The following CFAP44 variants were observed in gnomAD, a reference collection of about 807,000 sequenced individuals.
CFAP44 encodes cilia and flagella associated protein 44.
CFAP44 carries 134 observed loss-of-function variants against 216.2 expected under a neutral mutation model. The ratio of observed to expected loss-of-function variants is 0.62; its 90% CI spans 0.54 to 0.72. The LOEUF (loss-of-function observed/expected upper bound fraction) is 0.72. Among genes scored for constraint, CFAP44 ranks in the 30% least tolerant of loss-of-function variants. CFAP44 has a pLI of 0.00. For missense variants in CFAP44, 2,035 were observed against 2,182.1 expected (o/e 0.93, Z 1.34); for synonymous variants, 700 against 727.6 (o/e 0.96, Z 0.61).
rs202211743 is a variant in CFAP44, at chr3:113,333,394, G to A, written c.3615+12C>T. The A allele has an allele frequency of 1.2e-3, 1,774 of 1,534,286 alleles. 5 individuals are homozygous for A. The highest frequency in any genetic ancestry group is 1.3e-3 in the Admixed American group (64 of 50,208). The stretch of plus-strand genomic sequence containing the variant: ...TGCCTTCTCCATTGTCATAAAATCT[G>A]TAGATAAGTACCAAAGAATCTAGGT... On this transcript the variant is annotated intron_variant, in intron 25 of 34. Transcript: ENST00000393845.
At chr3:113,376,707 T>C (rs947332288) in intron 17 of CFAP44, among the ~76,000 whole-genome samples, 1 of 152,150 alleles carries the variant, frequency 6.6e-6, no homozygotes, top group Admixed American at 6.5e-5. Flanking sequence ...GGGTTGAAGA[T>C]CAAATAGGAG....
chr3:113,348,503 A>T (rs1255713356), intron 22 of CFAP44, among the ~76,000 whole-genome samples: 2 of 152,202 alleles, frequency 1.3e-5, no homozygotes, highest in Non-Finnish European at 2.9e-5. Flanking sequence ...CTTTCTTTTC[A>T]TTGAAGGAGA....
intron 15 of CFAP44, among the ~76,000 whole-genome samples, chr3:113,389,903 T>C (rs1335982920): frequency 6.6e-6 from 1 of 152,078 alleles, no homozygotes; most frequent in Non-Finnish European, 1.5e-5. Context: ...ACCCAATGGC[T>C]TCACTGTTGA....
chr3:113,332,590 G>A (rs944729695), intron 25 of CFAP44, among the ~76,000 whole-genome samples: 18 of 152,180 alleles, frequency 1.2e-4, no homozygotes, highest in African/African-American at 3.6e-4. Context: ...TAGTAGCTCA[G>A]ATGACCTTTA....
At position 113,291,766 on chromosome 3, in the gene CFAP44, C is replaced by G; in HGVS notation, c.5374-18G>C. On this transcript the variant is annotated intron_variant, in intron 34 of 34. Coordinates refer to ENST00000393845, the MANE Select transcript of CFAP44 (RefSeq NM_001164496.2). Reference sequence around the variant, plus strand: ...GCATTGCCCTGTTGAAAGAAAACAGCTCCCTGTTGAAGCATCATTTGGCAT... The same window carrying G: ...GCATTGCCCTGTTGAAAGAAAACAGGTCCCTGTTGAAGCATCATTTGGCAT... The G allele has an allele frequency of 1.3e-6, 2 of 1,534,574 alleles. No individual in the cohort carries two copies. Among genetic ancestry groups the G allele is most frequent in the Middle Eastern group, 2.3e-4 (1 of 4,404 alleles).
rs142060163 is a variant in CFAP44, at chr3:113,378,575, C to T, written c.2298+731G>A. On this transcript the variant is annotated intron_variant, in intron 17 of 34. Coordinates refer to ENST00000393845, the MANE Select transcript of CFAP44 (RefSeq NM_001164496.2). ...GATGAATTAGTAATGATCTTCCACACACACTTTTATGAAATTATTTTTGGT... is the reference window on the plus strand; with the variant it reads ...GATGAATTAGTAATGATCTTCCACATACACTTTTATGAAATTATTTTTGGT... 5.6e-3 allele frequency among the ~76,000 whole-genome samples: 850 copies of T among 152,248 alleles called. 15 individuals carry two copies. The highest frequency in any genetic ancestry group is 0.02 in the African/African-American group (825 of 41,534).
intron 28 of CFAP44, among the ~76,000 whole-genome samples, chr3:113,315,375 C>T (rs980415180): frequency 4.6e-5 from 7 of 152,034 alleles, no homozygotes; most frequent in Admixed American, 2.0e-4. Context: ...TTTACCAAGA[C>T]GACATGACAC....
intron 23 of CFAP44, among the ~76,000 whole-genome samples, chr3:113,342,492 A>G (rs1950342259): frequency 6.6e-6 from 1 of 152,210 alleles, no homozygotes; most frequent in Non-Finnish European, 1.5e-5. Context: ...TAAGATATAT[A>G]ATAAACAATT....
At chr3:113,435,363 G>A (rs1004475205) in intron 1 of CFAP44, among the ~76,000 whole-genome samples, 3 of 151,078 alleles carry the variant, frequency 2.0e-5, no homozygotes, top group Non-Finnish European at 4.4e-5. Flanking sequence ...TGACAGCAAG[G>A]AGAAGTGCAG....
At position 113,396,529 on chromosome 3, in the gene CFAP44, G is replaced by T; in HGVS notation, c.1768C>A (p.Leu590Ile). ...ALAYERDGEILATGSKDQTVF... is the reference protein window; with the variant it reads ...ALAYERDGEIIATGSKDQTVF... ...AATGTACTGCTTACCCCTGTGGCTAGAATTTCCCCATCACGTTCATAAGCT... is the reference window on the plus strand; with the variant it reads ...AATGTACTGCTTACCCCTGTGGCTATAATTTCCCCATCACGTTCATAAGCT... Residue 590 changes from leucine to isoleucine, a missense_variant, in exon 14 of 35, where the codon CTA becomes ATA. Physicochemically the swap from Leu to Ile is conservative, Grantham distance 5. Coordinates refer to ENST00000393845, the MANE Select transcript of CFAP44 (RefSeq NM_001164496.2). The T allele has an allele frequency of 6.2e-7, 1 of 1,614,002 alleles. No individual in the cohort carries two copies.
chr3:113,371,048 G>A (rs530067236), intron 18 of CFAP44, among the ~76,000 whole-genome samples: 11 of 152,222 alleles, frequency 7.2e-5, no homozygotes, highest in Non-Finnish European at 8.8e-5. Context: ...TCTTCAAGGA[G>A]AACTACAAAC....
chr3:113,316,414 GA>G (rs1164801838), intron 28 of CFAP44, among the ~76,000 whole-genome samples: 1 of 151,884 alleles, frequency 6.6e-6, no homozygotes, highest in Non-Finnish European at 1.5e-5. Flanking sequence ...AAGCAAGCAG[GA>G]AAAAATGTAA....
At position 113,433,644 on chromosome 3, in the gene CFAP44, C is replaced by G. The variant is rs767419732; in HGVS notation, c.21G>C (p.Gln7His). Reference protein sequence around the residue: MKEPDDQDTDGEKSVTS... With the variant: MKEPDDHDTDGEKSVTS... ...TAACTGATTTCTCCCCATCAGTATC[C>G]TGATCATCTGGTTCCTTCATTTCCT... is the stretch of plus-strand genomic sequence containing the variant. Residue 7 changes from glutamine to histidine, a missense_variant, in exon 2 of 35, where the codon CAG becomes CAC. Gln to His is a conservative substitution (Grantham distance 24). This residue lies in a region of CFAP44 where 149 missense variants were observed against 141.8 expected (regional missense o/e 1.05). Transcript: ENST00000393845. 6.2e-7 allele frequency: 1 copy of G among 1,613,132 alleles called. No homozygotes were observed. Among genetic ancestry groups the G allele is most frequent in the South Asian group, 1.1e-5 (1 of 91,072 alleles).
intron 24 of CFAP44, among the ~76,000 whole-genome samples, chr3:113,340,156 G>A (rs937878575): frequency 6.6e-6 from 1 of 152,206 alleles, no homozygotes; most frequent in African/African-American, 2.4e-5. Context: ...AAAAGGGTAA[G>A]GAGAGGTGCC....
intron 23 of CFAP44, among the ~76,000 whole-genome samples, chr3:113,343,298 A>G (rs1164440594): frequency 2.6e-5 from 4 of 152,012 alleles, no homozygotes; most frequent in Non-Finnish European, 5.9e-5. Flanking sequence ...CCTGACCTCA[A>G]GTGATTCACC....
At chr3:113,341,262 G>A (rs1182523242) in intron 24 of CFAP44, among the ~76,000 whole-genome samples, 1 of 152,086 alleles carries the variant, frequency 6.6e-6, no homozygotes, top group Non-Finnish European at 1.5e-5. Context: ...CACGCCTTTC[G>A]CTACCCAGCA....
At chr3:113,335,283 T>C (rs1490297223) in intron 24 of CFAP44, among the ~76,000 whole-genome samples, 1 of 152,216 alleles carries the variant, frequency 6.6e-6, no homozygotes, top group Non-Finnish European at 1.5e-5. Context: ...TATTATCTCC[T>C]GGCTGCCGCA....
Position 113,291,454 on chromosome 3 carries a change from G to A in CFAP44, c.*103C>T, listed in dbSNP as rs1050728054. On this transcript the variant is annotated 3_prime_UTR_variant, in exon 35 of 35. Transcript: ENST00000393845. ...ACTGGATCTGGTTTTACACTTTCAGGCGAGTTCAGTTTAAAGTAATAAGAT... is the reference window on the plus strand; with the variant it reads ...ACTGGATCTGGTTTTACACTTTCAGACGAGTTCAGTTTAAAGTAATAAGAT... 9.8e-6 allele frequency: 13 copies of A among 1,328,730 alleles called. No individual in the cohort carries two copies. The highest frequency in any genetic ancestry group is 4.8e-5 in the Admixed American group (2 of 41,492). The allele number at this position is 1,328,730 out of a possible 1,614,324, so 82.3% of individuals were successfully genotyped here.
rs186540265 is a variant in CFAP44 at position 113,298,234 on chromosome 3, A to G, written c.5078-1349T>C. On this transcript the variant is annotated intron_variant, in intron 32 of 34. Transcript: ENST00000393845. ...GGAGCCAGCCCAGTGTCCTTCTCCT[A>G]TGCTGAAGAGGCCAGCAGCTAATGC... is the stretch of plus-strand genomic sequence containing the variant. 3.3e-3 allele frequency among the ~76,000 whole-genome samples: 500 copies of G among 152,314 alleles called. 13 individuals are homozygous for G. The highest frequency in any genetic ancestry group is 6.2e-4 in the Non-Finnish European group (42 of 68,022).
Sources: gnomAD v4.1 joint callset for allele counts (sites outside exome capture counted in the v4.1 genomes callset) on GRCh38, gnomAD v4.1.1 for gene constraint, gnomAD v4.1.1 regional missense constraint, MANE v1.5 for transcripts, NCBI Gene and HGNC (gene_info 2026-07-23, HGNC 2026-07-21) for gene names.